TRPM3: variants seen among roughly 807,000 people sequenced by gnomAD.
The protein encoded by TRPM3 is transient receptor potential cation channel subfamily M member 3.
In TRPM3, 77 loss-of-function variants were observed where a neutral mutation model predicts 181.2. The ratio of observed to expected loss-of-function variants is 0.42; its 90% CI spans 0.35 to 0.51. The LOEUF (loss-of-function observed/expected upper bound fraction) is 0.51, where lower values mean the gene tolerates loss of function less well. Among genes scored for constraint, TRPM3 ranks in the 20% least tolerant of loss-of-function variants. The pLI is 0.01. For synonymous variants in TRPM3, 745 were observed against 796.4 expected (o/e 0.94, Z 1.09); for missense variants, 1,759 against 2,196.7 (o/e 0.80, Z 3.98).
intron 1 of TRPM3, among the ~76,000 whole-genome samples, chr9:70,984,684 C>T (rs768776039): frequency 2.0e-5 from 3 of 152,200 alleles, no homozygotes; most frequent in Non-Finnish European, 4.4e-5. Context: ...ACAAGGAATG[C>T]TGTCCCACTC....
chr9:71,073,807 G>T (rs888361694), intron 1 of TRPM3, among the ~76,000 whole-genome samples: 3 of 152,074 alleles, frequency 2.0e-5, no homozygotes, highest in African/African-American at 7.2e-5. Flanking sequence ...CTGAGATAAT[G>T]TCAAGAAAAG....
intron 22 of TRPM3, among the ~76,000 whole-genome samples, chr9:70,578,279 G>GTCA: frequency 7.1e-6 from 1 of 140,480 alleles, no homozygotes; most frequent in South Asian, 2.4e-4. Context: ...TTGTGAGTGC[G>GTCA]TCATGGTGCT....
At chr9:71,122,150 C>T (rs1364167764), upstream of TRPM3, among the ~76,000 whole-genome samples, 1 of 152,134 alleles carries the variant, frequency 6.6e-6, no homozygotes, top group Non-Finnish European at 1.5e-5. Context: ...CACTTGATAC[C>T]GCTTCTCTGC....
At chr9:71,168,132 G>C (rs902432111) in intron 1 of TRPM3, among the ~76,000 whole-genome samples, 2 of 152,072 alleles carry the variant, frequency 1.3e-5, no homozygotes, top group African/African-American at 4.8e-5. Flanking sequence ...ATCTTTAGTA[G>C]TATTATTTGC....
chr9:71,129,744 A>G (rs1197730449), intron 1 of TRPM3, among the ~76,000 whole-genome samples: 2 of 152,154 alleles, frequency 1.3e-5, no homozygotes, highest in Non-Finnish European at 2.9e-5. Context: ...GCTCTGACAA[A>G]TCTGAAAAAA....
Position 70,822,973 on chromosome 9 carries a change from AC to A in TRPM3, c.973+4873del, listed in dbSNP as rs1366744867. ...GGATGTGATGTGTCCCTGACAATCT[AC>A]CCCAAAACTAGCATCTGATGGTGGC... On this transcript the variant is annotated intron_variant, in intron 6 of 25. Transcript: ENST00000677713. Among the ~76,000 whole-genome samples, 3 of 151,982 alleles carry A rather than the reference AC, an allele frequency of 2.0e-5. No homozygotes were observed. The East Asian group carries it at 5.8e-4, about 30-fold the overall frequency.
intron 1 of TRPM3, among the ~76,000 whole-genome samples, chr9:70,880,605 ATGAT>A (rs965958098): frequency 1.2e-4 from 19 of 152,040 alleles, no homozygotes; most frequent in Admixed American, 1.2e-3. Context: ...CCAGGTTTAA[ATGAT>A]TAATTAGTCC....
At chr9:71,026,912 T>C (rs1050604243) in intron 1 of TRPM3, among the ~76,000 whole-genome samples, 1 of 152,190 alleles carries the variant, frequency 6.6e-6, no homozygotes, top group Non-Finnish European at 1.5e-5. Flanking sequence ...AGATGCTGCA[T>C]GGTGGCTGGG....
chr9:70,966,076 G>A (rs1011369395), intron 1 of TRPM3, among the ~76,000 whole-genome samples: 2 of 147,820 alleles, frequency 1.4e-5, no homozygotes, highest in African/African-American at 4.9e-5. Context: ...CCATTAAGAA[G>A]TGGGCAAATA....
chr9:70,768,624 G>C (rs1426649806), intron 7 of TRPM3, among the ~76,000 whole-genome samples: 1 of 151,428 alleles, frequency 6.6e-6, no homozygotes, highest in Non-Finnish European at 1.5e-5. Context: ...CTCAAAGAAT[G>C]TTTGGAAATG....
chr9:71,364,152 A>G (rs1201355363), intron 1 of TRPM3, among the ~76,000 whole-genome samples: 3 of 152,182 alleles, frequency 2.0e-5, no homozygotes, highest in Non-Finnish European at 4.4e-5. Flanking sequence ...AATAAAAAGC[A>G]GAGCATACGA....
At chr9:71,187,769 A>C (rs1184941502) in intron 1 of TRPM3, among the ~76,000 whole-genome samples, 3 of 151,938 alleles carry the variant, frequency 2.0e-5, no homozygotes, top group Admixed American at 2.0e-4. Flanking sequence ...TTCTTCAGAC[A>C]TATTCCAAGA....
chr9:70,563,148 A>C (rs1464676656), intron 22 of TRPM3, among the ~76,000 whole-genome samples: 1 of 152,180 alleles, frequency 6.6e-6, no homozygotes, highest in Non-Finnish European at 1.5e-5. Flanking sequence ...GACATGCATG[A>C]GCTAGCCTGT....
intron 24 of TRPM3, among the ~76,000 whole-genome samples, 196 bp from the exon 25 acceptor site, chr9:70,549,870 A>G (rs966112550): frequency 6.6e-6 from 1 of 152,156 alleles, no homozygotes; most frequent in South Asian, 2.1e-4. Flanking sequence ...GAAATTTATT[A>G]TGGGTCTCTG....
At chr9:70,693,275 A>G (rs1292993846) in intron 8 of TRPM3, among the ~76,000 whole-genome samples, 7 of 152,168 alleles carry the variant, frequency 4.6e-5, no homozygotes, top group Non-Finnish European at 2.9e-5. Context: ...CAGCAATAAT[A>G]TTTCCAGAAG....
chr9:70,674,260 A>G (rs1421204735), intron 9 of TRPM3, among the ~76,000 whole-genome samples: 1 of 152,180 alleles, frequency 6.6e-6, no homozygotes, highest in Non-Finnish European at 1.5e-5. Flanking sequence ...ACACTCTGGG[A>G]TAAGTTAGTT....
At chr9:70,858,524 A>C (rs1372553038) in intron 3 of TRPM3, among the ~76,000 whole-genome samples, 1 of 152,156 alleles carries the variant, frequency 6.6e-6, no homozygotes, top group Admixed American at 6.5e-5. Flanking sequence ...CAAGTTTTCA[A>C]AGTGGACAAA....
At chr9:71,034,052 TG>T (rs1347542194) in intron 1 of TRPM3, among the ~76,000 whole-genome samples, 1 of 152,196 alleles carries the variant, frequency 6.6e-6, no homozygotes, top group Non-Finnish European at 1.5e-5. Context: ...ATGGAGAGAA[TG>T]TGCAAACTCC....
chr9:71,194,837 G>C (rs2078248069), intron 1 of TRPM3, among the ~76,000 whole-genome samples: 1 of 151,400 alleles, frequency 6.6e-6, no homozygotes, highest in African/African-American at 2.4e-5. Context: ...ATTTCAGTTA[G>C]ATCTAAGAAC....
Sources: gnomAD v4.1 joint callset for allele counts (sites outside exome capture counted in the v4.1 genomes callset) on GRCh38, gnomAD v4.1.1 for gene constraint, MANE v1.5 for transcripts, NCBI Gene and HGNC (gene_info 2026-07-23, HGNC 2026-07-21) for gene names.